Variants in FNDC1 observed in about 807,000 individuals in gnomAD.
The protein encoded by FNDC1 is fibronectin type III domain-containing protein 1.
Under a neutral mutation model 168.0 loss-of-function variants are expected in FNDC1, and 96 were observed. That is an observed-to-expected ratio of 0.57 (90% confidence interval 0.48 to 0.68). The LOEUF (loss-of-function observed/expected upper bound fraction) is 0.68, where lower values mean the gene tolerates loss of function less well. Among genes scored for constraint, FNDC1 ranks in the 30% least tolerant of loss-of-function variants. The pLI is 0.00. For missense variants in FNDC1, 2,587 were observed against 2,482.1 expected (o/e 1.04, Z -0.90); for synonymous variants, 1,099 against 1,025.9 (o/e 1.07, Z -1.36).
chr6:159,244,619 A>T (rs913690531), intron 14 of FNDC1, among the ~76,000 whole-genome samples: 2 of 152,238 alleles, frequency 1.3e-5, no homozygotes, highest in African/African-American at 4.8e-5. Flanking sequence ...AGGAGTTTAT[A>T]TACCTTCTAC....
At chr6:159,208,394 C>T (rs1306149942) in intron 4 of FNDC1, among the ~76,000 whole-genome samples, 7 of 152,164 alleles carry the variant, frequency 4.6e-5, no homozygotes, top group African/African-American at 1.7e-4. Context: ...GAAAGATTCC[C>T]CTCAAAAGGC....
intron 19 of FNDC1, among the ~76,000 whole-genome samples, chr6:159,261,610 A>C (rs1301525023): frequency 6.6e-6 from 1 of 152,264 alleles, no homozygotes; most frequent in Non-Finnish European, 1.5e-5. Flanking sequence ...CCTGAAGAAC[A>C]CACATGTCAT....
intron 22 of FNDC1, among the ~76,000 whole-genome samples, chr6:159,269,490 CTATCTATCTATCCATCCATCCATG>C (rs1466522018): frequency 8.1e-5 from 11 of 135,796 alleles, no homozygotes; most frequent in African/African-American, 3.2e-4. Flanking sequence ...ATCTATCTAT[CTATCTATCTATCCATCCATCCATG>C]CATCCATCCA....
chr6:159,256,479 T>G lies in FNDC1; in HGVS notation c.5066-44T>G, dbSNP rs762734454. 6 of 1,405,106 alleles carry G rather than the reference T, an allele frequency of 4.3e-6. No individual in the cohort carries two copies. The African/African-American group carries it at 8.5e-5, about 20-fold the overall frequency. 87.0% of individuals were successfully genotyped at this position (1,405,106 alleles called of 1,614,324 possible). A position where few individuals can be genotyped will look rare whatever the true frequency, so the allele number is the denominator to read the frequency against. ...AGTGGGTTACATCTTGTGTGTGACT[T>G]GGTTCCTTGGTGTCCATTGGGTTTT... On this transcript the variant is annotated intron_variant, in intron 17 of 22. Coordinates refer to ENST00000297267, the MANE Select transcript of FNDC1 (RefSeq NM_032532.3).
In FNDC1 at chr6:159,246,840, T is replaced by C. The variant is rs550365985; in HGVS notation, c.4622-61T>C. ...TGAATTGTCACGCTCTGGGGCCTGCTTCTGAGAGAACCCTGGAGAAGGAGC... is the reference window on the plus strand; with the variant it reads ...TGAATTGTCACGCTCTGGGGCCTGCCTCTGAGAGAACCCTGGAGAAGGAGC... On this transcript the variant is annotated intron_variant, in intron 14 of 22. Transcript: ENST00000297267. The C allele has an allele frequency of 2.8e-5, 34 of 1,230,894 alleles. 1 individual carries two copies. The highest frequency in any genetic ancestry group is 3.8e-4 in the Middle Eastern group (2 of 5,318). 76.2% of individuals were successfully genotyped at this position (1,230,894 alleles called of 1,614,324 possible).
intron 1 of FNDC1, among the ~76,000 whole-genome samples, chr6:159,189,026 A>G (rs1167305835): frequency 3.3e-5 from 5 of 152,192 alleles, no homozygotes; most frequent in Non-Finnish European, 7.3e-5. Context: ...TGCTGGGATT[A>G]TAGGTGTGAG....
At chr6:159,222,060 A>G (rs954078561) in intron 6 of FNDC1, among the ~76,000 whole-genome samples, 1 of 152,190 alleles carries the variant, frequency 6.6e-6, no homozygotes, top group African/African-American at 2.4e-5. Context: ...GAGGTGGTGC[A>G]TGCAAGATAA....
chr6:159,174,666 T>A (rs1046566342), intron 1 of FNDC1, among the ~76,000 whole-genome samples: 3 of 152,270 alleles, frequency 2.0e-5, no homozygotes, highest in African/African-American at 7.2e-5. Flanking sequence ...GATCACTAAT[T>A]AAGAGTCGAA....
In FNDC1 at chr6:159,232,188, C is replaced by T. The variant is rs146097620; in HGVS notation, c.1676C>T (p.Thr559Ile). The change falls in exon 11 of 23, where the codon ACC (threonine) becomes ATC (isoleucine). Residue 559 changes from threonine (T) to isoleucine (I), a missense_variant. Coordinates refer to ENST00000297267, the MANE Select transcript of FNDC1 (RefSeq NM_032532.3). The surrounding 1 kb of genome is among the most constrained non-coding windows in gnomAD (Gnocchi z 4.9). ...REDSPMSPSD[T>I]QDQKRTLRPP... ...GACTCGCCCATGTCACCCTCAGACA[C>T]CCAAGACCAGAAACGGACCCTGAGG... 1.2e-6 allele frequency: 2 copies of T among 1,613,746 alleles called. No homozygotes were observed. Among genetic ancestry groups the T allele is most frequent in the South Asian group, 1.1e-5 (1 of 91,026 alleles).
intron 12 of FNDC1, 114 bp from the exon 13 acceptor site, chr6:159,238,440 C>A: frequency 1.5e-6 from 1 of 664,622 alleles, no homozygotes; most frequent in Non-Finnish European, 2.5e-6. Flanking sequence ...ATGTCTTCTA[C>A]TCACATTACG....
At chr6:159,190,707 T>C (rs558432065) in intron 1 of FNDC1, among the ~76,000 whole-genome samples, 98 of 152,374 alleles carry the variant, frequency 6.4e-4, no homozygotes, top group Middle Eastern at 3.4e-3. Context: ...TATCTGTTTG[T>C]TCAATTTTGT....
chr6:159,170,253 C>T lies in FNDC1; in HGVS notation c.109+548C>T, dbSNP rs1222182081. ...AAGCGCTCCAGTGCCAGCTCGGCTCCAGGCGGCAGGAGGCCCGCGCGCCCG... is the reference window on the plus strand; with the variant it reads ...AAGCGCTCCAGTGCCAGCTCGGCTCTAGGCGGCAGGAGGCCCGCGCGCCCG... On this transcript the variant is annotated intron_variant, in intron 1 of 22. Coordinates refer to ENST00000297267, the MANE Select transcript of FNDC1 (RefSeq NM_032532.3). Among the ~76,000 whole-genome samples the T allele has an allele frequency of 3.3e-5, 5 of 151,904 alleles. No individual in the cohort carries two copies. In the East Asian group the frequency reaches 9.8e-4, roughly 30 times the overall value.
At position 159,232,016 on chromosome 6, in the gene FNDC1, G is replaced by A. The variant is rs149582106; in HGVS notation, c.1504G>A (p.Ala502Thr). 51 of 1,613,952 alleles carry A rather than the reference G, an allele frequency of 3.2e-5. No homozygotes were observed. The African/African-American group carries it at 5.9e-4, about 19-fold the overall frequency. ...SVPASPQGRNAKDLLLDLKNK... is the reference protein window; with the variant it reads ...SVPASPQGRNTKDLLLDLKNK... ...GCCTGCTTCTCCCCAAGGGAGAAAT[G>A]CCAAGGACCTTCTTCTTGACTTGAA... is the stretch of plus-strand genomic sequence containing the variant. The change falls in exon 11 of 23, where the codon GCC (alanine) becomes ACC (threonine). Residue 502 changes from alanine to threonine, a missense_variant. Ala to Thr is a moderately conservative substitution (Grantham distance 58). Coordinates refer to ENST00000297267, the MANE Select transcript of FNDC1 (RefSeq NM_032532.3). The surrounding 1 kb of genome is among the most constrained non-coding windows in gnomAD (Gnocchi z 4.9).
chr6:159,262,203 C>G (rs117069960), intron 19 of FNDC1, among the ~76,000 whole-genome samples: 2,429 of 152,272 alleles, frequency 0.016, 21 homozygotes, highest in Non-Finnish European at 0.022. Context: ...ATGTAGGAAG[C>G]CAGGCTGAGT....
intron 19 of FNDC1, among the ~76,000 whole-genome samples, chr6:159,264,223 A>G (rs564732049): frequency 5.3e-5 from 8 of 152,340 alleles, no homozygotes; most frequent in South Asian, 4.1e-4. Flanking sequence ...CTACTGTGCA[A>G]TGCAGCTTTC....
intron 21 of FNDC1, 89 bp downstream of exon 21, chr6:159,266,334 T>G: frequency 7.4e-7 from 1 of 1,354,054 alleles, no homozygotes; most frequent in Non-Finnish European, 1.0e-6. Context: ...CATCGGAATG[T>G]TTATGAGGGC....
At position 159,234,043 on chromosome 6, in the gene FNDC1, C is replaced by T. The variant is rs766986058; in HGVS notation, c.3531C>T (p.Ala1177=). Residue 1177 remains alanine, a synonymous_variant, in exon 11 of 23, where the codon GCC becomes GCT. Coordinates refer to ENST00000297267, the MANE Select transcript of FNDC1 (RefSeq NM_032532.3). ...CCAAGTCCCAGCAGTCGGTCTCAGCCGAGGACGACGAGGAGGAGGACGCGG... is the reference window on the plus strand; with the variant it reads ...CCAAGTCCCAGCAGTCGGTCTCAGCTGAGGACGACGAGGAGGAGGACGCGG... ...LSSKSQQSVS[A]EDDEEEDAGF... is the part of the protein sequence containing the mutation. The T allele has an allele frequency of 3.1e-6, 5 of 1,612,250 alleles. No homozygotes were observed. The highest frequency in any genetic ancestry group is 1.1e-5 in the South Asian group (1 of 90,818).
At chr6:159,171,199 G>A (rs1003096810) in intron 1 of FNDC1, among the ~76,000 whole-genome samples, 1 of 152,186 alleles carries the variant, frequency 6.6e-6, no homozygotes, top group Admixed American at 6.5e-5. Context: ...GAATGCTGGG[G>A]CTGGACAGCT....
chr6:159,211,390 C>T (rs1020376844), intron 4 of FNDC1, among the ~76,000 whole-genome samples: 1 of 152,176 alleles, frequency 6.6e-6, no homozygotes, highest in Non-Finnish European at 1.5e-5. Context: ...TGTGGTCATG[C>T]GTTCTTTTAC....
Sources: allele counts gnomAD v4.1 joint callset (sites outside exome capture counted in the v4.1 genomes callset), GRCh38; gene constraint gnomAD v4.1.1; non-coding constraint Gnocchi (gnomAD v3.1); transcripts MANE v1.5; gene names NCBI Gene and HGNC (gene_info 2026-07-23, HGNC 2026-07-21).